SMURF2: variants seen among roughly 807,000 people sequenced by gnomAD.
SMURF2 encodes SMAD specific E3 ubiquitin protein ligase 2.
A neutral mutation model predicts 109.6 loss-of-function variants in SMURF2; 48 were observed. The observed-to-expected ratio is 0.44, with a 90% CI of 0.35 to 0.56. SMURF2 has a LOEUF of 0.56. Among genes scored for constraint, SMURF2 ranks in the 20% least tolerant of loss-of-function variants. SMURF2 has a pLI of 0.01. For synonymous variants in SMURF2, 288 were observed against 317.1 expected (o/e 0.91, Z 0.97); for missense variants, 575 against 909.0 (o/e 0.63, Z 4.72).
At chr17:64,593,400 T>A in intron 4 of SMURF2, 40 bp downstream of exon 4, 1 of 1,584,044 alleles carries the variant, frequency 6.3e-7, no homozygotes, top group Non-Finnish European at 8.6e-7. Context: ...CACACACACA[T>A]ATATGTTTTT....
chr17:64,564,099 A>T (rs945150990), intron 10 of SMURF2, among the ~76,000 whole-genome samples: 14 of 152,228 alleles, frequency 9.2e-5, no homozygotes, highest in Middle Eastern at 3.2e-3. Flanking sequence ...CTGCCAAAGA[A>T]GCCATTCTAC....
chr17:64,578,223 C>A (rs1365204123), intron 9 of SMURF2, among the ~76,000 whole-genome samples: 2 of 152,016 alleles, frequency 1.3e-5, no homozygotes, highest in African/African-American at 4.8e-5. Context: ...GGATTACAGG[C>A]ATGAGCTACC....
intron 10 of SMURF2, among the ~76,000 whole-genome samples, chr17:64,569,265 T>C (rs61467945): frequency 0.18 from 26,796 of 151,026 alleles, 4,274 homozygotes; most frequent in African/African-American, 0.42. Context: ...CACGCCATTG[T>C]ACTCCAGCCT....
chr17:64,662,035 T>G lies in SMURF2; in HGVS notation c.-155A>C. 1.8e-6 allele frequency: 2 copies of G among 1,112,068 alleles called. No individual in the cohort carries two copies. Among genetic ancestry groups the G allele is most frequent in the Non-Finnish European group, 1.1e-6 (1 of 911,696 alleles). The allele number at this position is 1,112,068 out of a possible 1,614,324, so 68.9% of individuals were successfully genotyped here. A position where few individuals can be genotyped will look rare whatever the true frequency, so the allele number is the denominator to read the frequency against. Reference sequence around the variant, plus strand: ...CCGGATGTGCCGAGAGTCGTCGCCATGAGCCGCGGAGGGAGCGGGACGCCG... The same window carrying G: ...CCGGATGTGCCGAGAGTCGTCGCCAGGAGCCGCGGAGGGAGCGGGACGCCG... On this transcript the variant is annotated 5_prime_UTR_variant, in exon 1 of 19. The change abolishes an upstream ATG in the 5' untranslated region. Transcript: ENST00000262435.
At chr17:64,596,492 T>G (rs1431641946) in intron 3 of SMURF2, among the ~76,000 whole-genome samples, 1 of 149,948 alleles carries the variant, frequency 6.7e-6, no homozygotes, top group Non-Finnish European at 1.5e-5. Flanking sequence ...AGTCAAAGTA[T>G]ATCTTCTGAT....
chr17:64,615,576 G>T (rs1488028675), intron 1 of SMURF2, among the ~76,000 whole-genome samples: 3 of 152,070 alleles, frequency 2.0e-5, no homozygotes, highest in African/African-American at 7.2e-5. Flanking sequence ...AACATGAAAT[G>T]AAAATGAAAT....
intron 5 of SMURF2, among the ~76,000 whole-genome samples, chr17:64,590,104 TCTATCATG>T (rs1332412986): frequency 6.6e-6 from 1 of 151,950 alleles, no homozygotes; most frequent in Non-Finnish European, 1.5e-5. Flanking sequence ...TAAGTTCTGT[TCTATCATG>T]AAGTGTGACA....
At chr17:64,577,005 G>A (rs754082560) in intron 9 of SMURF2, among the ~76,000 whole-genome samples, 5 of 148,060 alleles carry the variant, frequency 3.4e-5, no homozygotes, top group African/African-American at 1.3e-4. Context: ...GGGACTACAC[G>A]AATTTTCTTT....
intron 3 of SMURF2, among the ~76,000 whole-genome samples, chr17:64,595,574 T>C (rs1312143930): frequency 6.6e-6 from 1 of 152,222 alleles, no homozygotes; most frequent in Non-Finnish European, 1.5e-5. Flanking sequence ...GAATACAATG[T>C]TACCATATAG....
At chr17:64,567,029 C>A (rs902088114) in intron 10 of SMURF2, among the ~76,000 whole-genome samples, 3 of 151,386 alleles carry the variant, frequency 2.0e-5, no homozygotes, top group African/African-American at 7.3e-5. Flanking sequence ...CACCACCACG[C>A]CTACTTTTTT....
chr17:64,656,958 G>T (rs1296985650), intron 1 of SMURF2, among the ~76,000 whole-genome samples: 1 of 152,144 alleles, frequency 6.6e-6, no homozygotes, highest in Non-Finnish European at 1.5e-5. Context: ...GTCCAAACTA[G>T]GTTGGTCCCT....
chr17:64,562,271 G>A (rs1331510873), intron 11 of SMURF2, among the ~76,000 whole-genome samples: 3 of 99,510 alleles, frequency 3.0e-5, no homozygotes, highest in South Asian at 8.0e-4. Flanking sequence ...CCAGCCTGGC[G>A]ACAGACTCCG....
In SMURF2 at chr17:64,662,218, G is replaced by A. The variant is rs1167174958; in HGVS notation, c.-338C>T. ...GTCTCGGCGAGGCCCAGTAGCCGAC[G>A]GGGCTGGTCGGCTGAAGCGGGCGGT... On this transcript the variant is annotated 5_prime_UTR_variant, in exon 1 of 19. Transcript: ENST00000262435. The A allele has an allele frequency of 9.7e-6, 10 of 1,036,238 alleles. No individual in the cohort carries two copies. The East Asian group carries it at 7.1e-4, about 74-fold the overall frequency. The allele number at this position is 1,036,238 out of a possible 1,614,324, so 64.2% of individuals were successfully genotyped here. A position where few individuals can be genotyped will look rare whatever the true frequency, so the allele number is the denominator to read the frequency against.
rs1228439278 is a variant in SMURF2, at chr17:64,542,808, A to G, written c.*3040T>C. On this transcript the variant is annotated 3_prime_UTR_variant, in exon 19 of 19. Transcript: ENST00000262435. ...TTGTGCTCCGGACTGTAAATACATG[A>G]AAGAAAAAAAGGCTTGGTAAAAAAC... 6.6e-6 allele frequency: 1 copy of G among 152,238 alleles called. No individual in the cohort carries two copies. The highest frequency in any genetic ancestry group is 2.4e-5 in the African/African-American group (1 of 41,462). The allele number at this position is 152,238 out of a possible 1,614,324, so 9.4% of individuals were successfully genotyped here. A position where few individuals can be genotyped will look rare whatever the true frequency, so the allele number is the denominator to read the frequency against.
Position 64,648,322 on chromosome 17 carries a change from A to G in SMURF2, c.52+13507T>C, listed in dbSNP as rs372810568. On this transcript the variant is annotated intron_variant, in intron 1 of 18. Coordinates refer to ENST00000262435, the MANE Select transcript of SMURF2 (RefSeq NM_022739.4). ...AAAACAGTTCTATCCATCAAGTCAA[A>G]TATTAACAAATGAACACTTCAGTCC... Among the ~76,000 whole-genome samples, 5 of 152,126 alleles carry G rather than the reference A, an allele frequency of 3.3e-5. No individual in the cohort carries two copies. In the East Asian group the frequency reaches 9.6e-4, roughly 29 times the overall value.
intron 2 of SMURF2, among the ~76,000 whole-genome samples, chr17:64,601,931 A>G (rs563562161): frequency 0.087 from 12,992 of 148,878 alleles, 1,279 homozygotes; most frequent in African/African-American, 0.24. Flanking sequence ...GTGTGTGTAT[A>G]TATATATATA....
chr17:64,547,607 T>C lies in SMURF2; in HGVS notation c.2064A>G (p.Ala688=). 6.2e-7 allele frequency: 1 copy of C among 1,607,266 alleles called. No homozygotes were observed. Among genetic ancestry groups the C allele is most frequent in the African/African-American group, 1.3e-5 (1 of 74,554 alleles). Residue 688 remains alanine (A), a synonymous_variant, in exon 17 of 19, where the codon GCA becomes GCG. Coordinates refer to ENST00000262435, the MANE Select transcript of SMURF2 (RefSeq NM_022739.4). The surrounding 1 kb of genome is among the most constrained non-coding windows in gnomAD (Gnocchi z 4.2). ...SSRVPLQGFK[A]LQGAAGPRLF... ...TGCACCTCAGGCTGTTACCTTGCAA[T>C]GCTTTGAAGCCCTGCAGAGGCACTC...
At chr17:64,656,774 C>T (rs959023976) in intron 1 of SMURF2, among the ~76,000 whole-genome samples, 1 of 152,188 alleles carries the variant, frequency 6.6e-6, no homozygotes, top group African/African-American at 2.4e-5. Flanking sequence ...ACGATGGTTG[C>T]TGTTGAATCT....
Position 64,578,590 on chromosome 17 carries a change from A to G in SMURF2, c.773-14T>C, listed in dbSNP as rs1386876305. The G allele has an allele frequency of 3.2e-6, 5 of 1,566,982 alleles. No individual in the cohort carries two copies. Among genetic ancestry groups the G allele is most frequent in the Non-Finnish European group, 4.4e-6 (5 of 1,137,388 alleles). On this transcript the variant is annotated splice_polypyrimidine_tract_variant and intron_variant, in intron 8 of 18. Coordinates refer to ENST00000262435, the MANE Select transcript of SMURF2 (RefSeq NM_022739.4). ...TTGTCCTCTGTTCTGTAAAATTAAT[A>G]AACACTGATAACAAAAACATTCAGA...
Sources: allele counts gnomAD v4.1 joint callset (sites outside exome capture counted in the v4.1 genomes callset), GRCh38; gene constraint gnomAD v4.1.1; non-coding constraint Gnocchi (gnomAD v3.1); transcripts MANE v1.5; gene names NCBI Gene and HGNC (gene_info 2026-07-23, HGNC 2026-07-21).